The following EVC variants were observed in gnomAD, a reference collection of about 807,000 sequenced individuals.
EVC encodes the protein EvC ciliary complex subunit 1.
Under a neutral mutation model 118.9 loss-of-function variants are expected in EVC, and 116 were observed. That is an observed-to-expected ratio of 0.98 (90% confidence interval 0.84 to 1.14). The LOEUF is 1.14. Among genes scored for constraint, EVC ranks in the 50% most tolerant of loss-of-function variants. The probability of loss-of-function intolerance (pLI) is 0.00; values close to 1 mark genes in which losing one functional copy is unlikely to be tolerated. For synonymous variants in EVC, 619 were observed against 534.7 expected, an observed-to-expected ratio of 1.16 and a Z score of -2.18; for missense variants, 1,401 against 1,246.4, an observed-to-expected ratio of 1.12 and a Z score of -1.87.
At chr4:5,825,951 T>G in the EVC span, 1 of 448,462 alleles carries the variant, frequency 2.2e-6, no homozygotes, top group Non-Finnish European at 4.0e-6. This position sits in a 1 kb window ranked among gnomAD's most constrained non-coding sequence, Gnocchi z 4.4. Context: ...TGCACACATA[T>G]ATGCATGCAC....
At chr4:5,814,912 A>G (rs996061649), downstream of EVC, among the ~76,000 whole-genome samples, 1 of 151,920 alleles carries the variant, frequency 6.6e-6, no homozygotes, top group African/African-American at 2.4e-5. Context: ...TGCTGCTGGG[A>G]CTGGGGTGAG....
At position 5,793,615 on chromosome 4, in the gene EVC, TGGA is replaced by T. The variant is rs764533114; in HGVS notation, c.1789_1791del (p.Glu597del). 47 of 1,551,942 alleles carry T rather than the reference TGGA, an allele frequency of 3.0e-5. No homozygotes were observed. In the African/African-American group the frequency reaches 4.2e-4, roughly 14 times the overall value. The stretch of plus-strand genomic sequence containing the variant: ...CCTCTGTCCCGAGTTCAGGTGTGGA[TGGA>T]GGAGTGTGCGCTGTCCAGCGTGCTG... On this transcript the variant is annotated inframe_deletion, in exon 13 of 21. Coordinates refer to ENST00000264956, the MANE Select transcript of EVC (RefSeq NM_153717.3).
chr4:5,822,844 T>C, the EVC span, among the ~76,000 whole-genome samples: 39 of 152,314 alleles, frequency 2.6e-4, no homozygotes, highest in Admixed American at 8.5e-4. Flanking sequence ...CGTAAGTAAG[T>C]TAGCTCACTG....
At chr4:5,736,750 A>G (rs1727757504) in intron 5 of EVC, among the ~76,000 whole-genome samples, 1 of 152,196 alleles carries the variant, frequency 6.6e-6, no homozygotes, top group South Asian at 2.1e-4. Flanking sequence ...TGAGACAACA[A>G]ACTTAATTAA....
intron 18 of EVC, 47 bp downstream of exon 18, chr4:5,808,374 G>A: frequency 6.2e-7 from 1 of 1,613,638 alleles, no homozygotes; most frequent in African/African-American, 1.3e-5. Flanking sequence ...GTTTAAAGAG[G>A]AGCAGAAATA....
intron 1 of EVC, among the ~76,000 whole-genome samples, chr4:5,713,990 T>G (rs1474351291): frequency 6.6e-6 from 1 of 152,242 alleles, no homozygotes; most frequent in Non-Finnish European, 1.5e-5. Context: ...CCTACCCTGA[T>G]GCACAGGTGC....
chr4:5,780,612 C>T (rs1408919632), intron 11 of EVC, among the ~76,000 whole-genome samples: 1 of 152,120 alleles, frequency 6.6e-6, no homozygotes, highest in Non-Finnish European at 1.5e-5. Flanking sequence ...TCTGCCAGGC[C>T]CTGCAAATGC....
In EVC at chr4:5,753,095, T is replaced by C; in HGVS notation, c.1315+43T>C. On this transcript the variant is annotated intron_variant, in intron 9 of 20. Coordinates refer to ENST00000264956, the MANE Select transcript of EVC (RefSeq NM_153717.3). ...GTGCCGCCGTCCACAACACTGGCCT[T>C]CTGGGTCCCTGGGGCTGTGCAGTGA... is the stretch of plus-strand genomic sequence containing the variant. 5 of 1,524,144 alleles carry C rather than the reference T, an allele frequency of 3.3e-6. No homozygotes were observed. The African/African-American group carries it at 5.5e-5, about 17-fold the overall frequency. 94.4% of individuals were successfully genotyped at this position (1,524,144 alleles called of 1,614,324 possible). A position where few individuals can be genotyped will look rare whatever the true frequency, so the allele number is the denominator to read the frequency against.
At chr4:5,714,985 T>C (rs1032785928) in intron 1 of EVC, among the ~76,000 whole-genome samples, 5 of 146,178 alleles carry the variant, frequency 3.4e-5, no homozygotes, top group Non-Finnish European at 7.6e-5. Flanking sequence ...TTTTTTTTTT[T>C]CTATTTTCTG....
At chr4:5,745,805 T>G (rs1729282239) in intron 7 of EVC, among the ~76,000 whole-genome samples, 1 of 152,200 alleles carries the variant, frequency 6.6e-6, no homozygotes, top group African/African-American at 2.4e-5. Context: ...GCACTTGCTC[T>G]TCACCAGGGA....
intron 17 of EVC, among the ~76,000 whole-genome samples, chr4:5,807,507 G>C (rs958738221): frequency 1.3e-5 from 2 of 152,310 alleles, no homozygotes; most frequent in Admixed American, 6.5e-5. Flanking sequence ...ATGGGAAGGA[G>C]GCAGGCAGGG....
chr4:5,735,740 CTG>C lies in EVC; in HGVS notation c.702+2310_702+2311del, dbSNP rs569845679. Among the ~76,000 whole-genome samples, 586 of 152,096 alleles carry C rather than the reference CTG, an allele frequency of 3.9e-3. 3 individuals are homozygous for C. Among genetic ancestry groups the C allele is most frequent in the South Asian group, 0.03 (146 of 4,816 alleles). ...TGGCAGAATCAGACCTGGACAAGGT[CTG>C]TGTGAGTGAAAGGCCCCTGCATGCC... is the stretch of plus-strand genomic sequence containing the variant. On this transcript the variant is annotated intron_variant, in intron 5 of 20. Transcript: ENST00000264956.
intron 14 of EVC, 86 bp downstream of exon 14, chr4:5,797,318 C>T (rs550558750): frequency 1.4e-5 from 16 of 1,125,960 alleles, no homozygotes; most frequent in Admixed American, 1.2e-4. Context: ...TGCCAGAACC[C>T]GAATCCTATC....
At chr4:5,816,706 C>G (rs1197219917), downstream of EVC, among the ~76,000 whole-genome samples, 4 of 139,032 alleles carry the variant, frequency 2.9e-5, no homozygotes, top group African/African-American at 1.0e-4. Context: ...TCCCCTCTCT[C>G]CCCTCCCTCT....
At chr4:5,825,328 G>A in the EVC span, 5 of 985,034 alleles carry the variant, frequency 5.1e-6, no homozygotes, top group South Asian at 2.4e-4. The surrounding 1 kb of genome is among the most constrained non-coding windows in gnomAD (Gnocchi z 4.4). Flanking sequence ...GACCATGCCA[G>A]CCCACTCTGC....
At chr4:5,747,614 T>C (rs1474385304) in intron 7 of EVC, among the ~76,000 whole-genome samples, 1 of 152,220 alleles carries the variant, frequency 6.6e-6, no homozygotes, top group African/African-American at 2.4e-5. Flanking sequence ...TCTAAGCCAC[T>C]TGGGAATTCC....
Position 5,737,354 on chromosome 4 carries a change from A to G in EVC, c.702+3919A>G, listed in dbSNP as rs576012229. ...CAAGTGCTGATGGAGAAGCTTCAGC[A>G]AGTTACCCAGAAGATCTAGCTAAGA... On this transcript the variant is annotated intron_variant, in intron 5 of 20. Transcript: ENST00000264956. This position sits in a 1 kb window ranked among gnomAD's most constrained non-coding sequence, Gnocchi z 5.0. 2.0e-5 allele frequency among the ~76,000 whole-genome samples: 3 copies of G among 152,372 alleles called. No homozygotes were observed. Among genetic ancestry groups the G allele is most frequent in the African/African-American group, 7.2e-5 (3 of 41,586 alleles).
chr4:5,766,933 G>A (rs1462466986), intron 11 of EVC, among the ~76,000 whole-genome samples: 17 of 151,840 alleles, frequency 1.1e-4, no homozygotes, highest in East Asian at 5.9e-4. Context: ...GCTTTGTTCC[G>A]TTGCTGGTGA....
At chr4:5,769,297 C>T (rs574752420) in intron 11 of EVC, among the ~76,000 whole-genome samples, 3 of 152,238 alleles carry the variant, frequency 2.0e-5, no homozygotes, top group East Asian at 3.9e-4. Flanking sequence ...CCCACTGTCA[C>T]AAGAACAGCA....
Sources: gnomAD v4.1 joint callset for allele counts (sites outside exome capture counted in the v4.1 genomes callset) on GRCh38, gnomAD v4.1.1 for gene constraint, Gnocchi (gnomAD v3.1) non-coding constraint, MANE v1.5 for transcripts, NCBI Gene and HGNC (gene_info 2026-07-23, HGNC 2026-07-21) for gene names.